Variants in NF1 observed in about 807,000 individuals in gnomAD.
NF1 encodes the protein neurofibromin.
Under a neutral mutation model 325.7 loss-of-function variants are expected in NF1, and 122 were observed. The ratio of observed to expected loss-of-function variants is 0.37; its 90% CI spans 0.32 to 0.44. The LOEUF is 0.44. Ranked by LOEUF, NF1 falls within the 20% of genes least tolerant of loss-of-function variation. The pLI is 1.00. For missense variants in NF1, 2,140 were observed against 3,415.4 expected (o/e 0.63, Z 9.31); for synonymous variants, 1,091 against 1,186.0 (o/e 0.92, Z 1.65).
intron 14 of NF1, chr17:31,219,473 C>CT (rs1171232057): frequency 3.3e-5 from 5 of 151,980 alleles, no homozygotes; most frequent in Admixed American, 1.3e-4. Context: ...TTAAGTAGTT[C>CT]TTTTTTTTAA....
intron 36 of NF1, among the ~76,000 whole-genome samples, chr17:31,313,180 A>T (rs2068925236): frequency 6.6e-6 from 1 of 152,170 alleles, no homozygotes; most frequent in East Asian, 1.9e-4. Context: ...TTCTAAATTA[A>T]GTGAAAGTGA....
rs563265928 is a variant in NF1, at chr17:31,309,031, C to T, written c.4836-16789C>T. 3.9e-5 allele frequency among the ~76,000 whole-genome samples: 6 copies of T among 152,240 alleles called. No homozygotes were observed. In the South Asian group the frequency reaches 6.2e-4, roughly 16 times the overall value. On this transcript the variant is annotated intron_variant, in intron 36 of 57. Coordinates refer to ENST00000358273, the MANE Select transcript of NF1 (RefSeq NM_001042492.3). Reference sequence around the variant, plus strand: ...TGCATACTTTATTTCACAGAACCTTCAAATGACTTTATAAGGAAGGTAAAG... The same window carrying T: ...TGCATACTTTATTTCACAGAACCTTTAAATGACTTTATAAGGAAGGTAAAG...
At chr17:31,338,985 G>T (rs1330540809) in intron 46 of NF1, among the ~76,000 whole-genome samples, 180 bp downstream of exon 46, 1 of 152,190 alleles carries the variant, frequency 6.6e-6, no homozygotes, top group Non-Finnish European at 1.5e-5. Flanking sequence ...AGAAGAGTAA[G>T]TATGGATAGT....
intron 57 of NF1, among the ~76,000 whole-genome samples, chr17:31,361,863 TAAC>T (rs1192747998): frequency 6.6e-6 from 1 of 152,220 alleles, no homozygotes; most frequent in Non-Finnish European, 1.5e-5. Flanking sequence ...AAATTCTGCT[TAAC>T]AACAAAGCTT....
chr17:31,263,866 A>G (rs1409021247), intron 35 of NF1, among the ~76,000 whole-genome samples: 1 of 152,140 alleles, frequency 6.6e-6, no homozygotes, highest in Non-Finnish European at 1.5e-5. Context: ...TAAAAAAATT[A>G]AAAATTGTTT....
intron 36 of NF1, among the ~76,000 whole-genome samples, chr17:31,269,482 A>G (rs2067852347): frequency 1.3e-5 from 2 of 152,230 alleles, no homozygotes; most frequent in African/African-American, 4.8e-5. Flanking sequence ...GAATAAGGCA[A>G]TGTGTTAATT....
At chr17:31,222,976 G>C (rs959530155) in intron 15 of NF1, among the ~76,000 whole-genome samples, 1 of 152,168 alleles carries the variant, frequency 6.6e-6, no homozygotes, top group Non-Finnish European at 1.5e-5. Flanking sequence ...TTCTGCCTTT[G>C]GAGCATGAAA....
chr17:31,349,618 C>G (rs2070089851), intron 49 of NF1, among the ~76,000 whole-genome samples: 1 of 152,156 alleles, frequency 6.6e-6, no homozygotes, highest in Non-Finnish European at 1.5e-5. Flanking sequence ...TATTACCACT[C>G]CAAATGGATG....
chr17:31,292,280 T>G (rs2068358304), intron 36 of NF1, among the ~76,000 whole-genome samples: 2 of 152,158 alleles, frequency 1.3e-5, no homozygotes, highest in Admixed American at 6.5e-5. Flanking sequence ...TTGATGTGCT[T>G]GAGAGATAGA....
intron 57 of NF1, among the ~76,000 whole-genome samples, chr17:31,371,766 T>G (rs1332557680): frequency 6.6e-6 from 1 of 152,234 alleles, no homozygotes; most frequent in Non-Finnish European, 1.5e-5. Context: ...CGCTGATGTT[T>G]TTCCTTGCAC....
At chr17:31,108,230 A>C (rs1485087851) in intron 1 of NF1, among the ~76,000 whole-genome samples, 1 of 150,566 alleles carries the variant, frequency 6.6e-6, no homozygotes, top group Non-Finnish European at 1.5e-5. Flanking sequence ...CACATGTTTT[A>C]AAATAAAAAG....
Position 31,330,333 on chromosome 17 carries a change from A to T in NF1, c.5647A>T (p.Thr1883Ser), listed in dbSNP as rs746823251. 1 of 1,614,040 alleles carries T rather than the reference A, an allele frequency of 6.2e-7. No homozygotes were observed. The highest frequency in any genetic ancestry group is 1.1e-5 in the South Asian group (1 of 91,076). Residue 1883 changes from threonine to serine, a missense_variant, in exon 39 of 58, where the codon ACC becomes TCC. By Grantham distance (58) the Thr-to-Ser change is moderately conservative (BLOSUM62 1). Transcript: ENST00000358273. ...AYNLLCALTC[T>S]FNLKIEGQLL... ...TAATCTTCTGTGTGCCTTAACTTGT[A>T]CCTTTAATTTAAAAATCGAGGGCCA...
intron 13 of NF1, among the ~76,000 whole-genome samples, chr17:31,216,351 T>G (rs2066819539): frequency 6.6e-6 from 1 of 152,190 alleles, no homozygotes; most frequent in Non-Finnish European, 1.5e-5. Context: ...CATCTAGTGG[T>G]TAATAAGTTT....
At chr17:31,283,871 AT>A (rs1315987269) in intron 36 of NF1, among the ~76,000 whole-genome samples, 6 of 152,210 alleles carry the variant, frequency 3.9e-5, no homozygotes, top group African/African-American at 1.4e-4. Flanking sequence ...TGGAATTGGA[AT>A]TCTCATTTGA....
chr17:31,244,733 G>A (rs1333302759), intron 29 of NF1, among the ~76,000 whole-genome samples: 1 of 152,084 alleles, frequency 6.6e-6, no homozygotes, highest in Non-Finnish European at 1.5e-5. Context: ...TTTCCTACCC[G>A]CTTCAGTGCC....
chr17:31,329,525 TC>T (rs1597834030), intron 38 of NF1, among the ~76,000 whole-genome samples: 1 of 152,210 alleles, frequency 6.6e-6, no homozygotes, highest in East Asian at 1.9e-4. Context: ...ACAAACTATT[TC>T]CTTTACTGGA....
chr17:31,326,307 A>G (rs1175690090), intron 37 of NF1, 55 bp downstream of exon 37: 5 of 1,551,854 alleles, frequency 3.2e-6, no homozygotes, highest in Non-Finnish European at 4.4e-6. Context: ...GACTAACTAG[A>G]CTATATCCTG....
intron 1 of NF1, among the ~76,000 whole-genome samples, chr17:31,140,530 C>T (rs1021364610): frequency 6.6e-6 from 1 of 152,176 alleles, no homozygotes; most frequent in African/African-American, 2.4e-5. Context: ...AATCAGTTAT[C>T]ACTTAAAATC....
At chr17:31,176,957 C>T (rs112414445) in intron 5 of NF1, among the ~76,000 whole-genome samples, 2,738 of 152,196 alleles carry the variant, frequency 0.018, 85 homozygotes, top group African/African-American at 0.063. Context: ...CAGCTTTGTT[C>T]TTTTTGCTTA....
Sources: gnomAD v4.1 joint callset for allele counts (sites outside exome capture counted in the v4.1 genomes callset) on GRCh38, gnomAD v4.1.1 for gene constraint, MANE v1.5 for transcripts, NCBI Gene and HGNC (gene_info 2026-07-23, HGNC 2026-07-21) for gene names.